LAMB4: variants seen among roughly 807,000 people sequenced by gnomAD.
LAMB4 encodes laminin subunit beta 4, also known as laminin subunit beta-4.
LAMB4 carries 196 observed loss-of-function variants against 199.2 expected under a neutral mutation model. The observed-to-expected ratio is 0.98, with a 90% CI of 0.88 to 1.11. The LOEUF is 1.11. Among genes scored for constraint, LAMB4 ranks in the 50% least tolerant of loss-of-function variants. LAMB4 has a pLI of 0.00. For synonymous variants in LAMB4, 744 were observed against 770.6 expected, an observed-to-expected ratio of 0.97 and a Z score of 0.57; for missense variants, 2,080 against 2,171.2, an observed-to-expected ratio of 0.96 and a Z score of 0.83.
chr7:108,036,112 C>T (rs1439615994), intron 30 of LAMB4, among the ~76,000 whole-genome samples: 2 of 152,152 alleles, frequency 1.3e-5, no homozygotes, highest in East Asian at 3.9e-4. Context: ...CCTGCCTCGG[C>T]CTCCCAAAGC....
At chr7:108,129,988 A>T (rs2038923776) in intron 1 of LAMB4, among the ~76,000 whole-genome samples, 1 of 152,262 alleles carries the variant, frequency 6.6e-6, no homozygotes, top group Non-Finnish European at 1.5e-5. Context: ...AAAAACAAAC[A>T]TTTGCTGAAA....
chr7:108,083,871 G>C (rs1024178730), intron 14 of LAMB4, among the ~76,000 whole-genome samples: 1 of 152,294 alleles, frequency 6.6e-6, no homozygotes, highest in African/African-American at 2.4e-5. Context: ...TTCTTGGAGG[G>C]GGACAGAGTT....
intron 14 of LAMB4, among the ~76,000 whole-genome samples, chr7:108,091,319 C>A (rs1017138931): frequency 1.3e-5 from 2 of 152,118 alleles, no homozygotes; most frequent in East Asian, 1.9e-4. Flanking sequence ...GCTCAATAAA[C>A]ACATTTTGTC....
chr7:108,064,980 AC>A (rs1299513776), intron 21 of LAMB4, among the ~76,000 whole-genome samples: 15 of 148,822 alleles, frequency 1.0e-4, no homozygotes, highest in Non-Finnish European at 1.9e-4. Context: ...ATCAGAGCTC[AC>A]TGTAGCCATG....
intron 17 of LAMB4, among the ~76,000 whole-genome samples, chr7:108,074,358 ATATTT>A (rs1211717126): frequency 5.9e-5 from 9 of 152,070 alleles, no homozygotes; most frequent in Non-Finnish European, 1.3e-4. Context: ...ATTGAATGCA[ATATTT>A]TATTTTATTT....
At chr7:108,040,133 C>G (rs2035370386) in intron 29 of LAMB4, among the ~76,000 whole-genome samples, 1 of 152,076 alleles carries the variant, frequency 6.6e-6, no homozygotes, top group Admixed American at 6.5e-5. Context: ...AGCCAAGAGC[C>G]AAGCCAGGAA....
In LAMB4 at chr7:108,057,845, A is replaced by G. The variant is rs202101743; in HGVS notation, c.3366T>C (p.Pro1122=). ...ECQENYYGDP[P]GRCIPCDCNR... The stretch of plus-strand genomic sequence containing the variant: ...CCCAATACTTACGAATGCATCGCCC[A>G]GGTGGATCACCATAATAATTTTCCT... The change falls in exon 24 of 34, where the codon CCT becomes CCC. Residue 1122 remains proline (P), a synonymous_variant. Coordinates refer to ENST00000388781, the MANE Select transcript of LAMB4 (RefSeq NM_007356.3). 1.2e-6 allele frequency: 2 copies of G among 1,611,342 alleles called. No individual in the cohort carries two copies.
At chr7:108,102,643 T>C (rs2037854714) in intron 10 of LAMB4, among the ~76,000 whole-genome samples, 3 of 152,176 alleles carry the variant, frequency 2.0e-5, no homozygotes, top group Non-Finnish European at 4.4e-5. Context: ...AGATTCAAGA[T>C]AAAAGATTTT....
At chr7:108,107,359 G>T (rs1373052563) in intron 6 of LAMB4, among the ~76,000 whole-genome samples, 2 of 152,148 alleles carry the variant, frequency 1.3e-5, no homozygotes, top group Non-Finnish European at 2.9e-5. Context: ...ATTAGAAATG[G>T]GTGTTCCTTC....
chr7:108,077,308 G>C (rs779665403), intron 16 of LAMB4, among the ~76,000 whole-genome samples: 5 of 152,070 alleles, frequency 3.3e-5, no homozygotes, highest in Non-Finnish European at 7.3e-5. Context: ...ATTGGCTGTG[G>C]GTTGTTATGA....
At chr7:108,046,162 G>A (rs904630924) in intron 28 of LAMB4, among the ~76,000 whole-genome samples, 5 of 151,876 alleles carry the variant, frequency 3.3e-5, no homozygotes, top group Admixed American at 1.3e-4. Context: ...TCTGCCTCCC[G>A]GGTCCCAGCA....
chr7:108,111,496 A>G (rs2038222116), intron 4 of LAMB4, among the ~76,000 whole-genome samples: 2 of 152,220 alleles, frequency 1.3e-5, no homozygotes, highest in African/African-American at 2.4e-5. Flanking sequence ...TAATTTACCA[A>G]CACTTCATAA....
Position 108,098,465 on chromosome 7 carries a change from T to A in LAMB4, c.1298A>T (p.Lys433Ile), listed in dbSNP as rs749644901. 5.8e-6 allele frequency: 9 copies of A among 1,563,470 alleles called. No individual in the cohort carries two copies. The East Asian group carries it at 2.1e-4, about 36-fold the overall frequency. ...GTGGTTGGGTTTGCACTGGTCGCAT[T>A]TGGCTCCTTCCACGTTCTCTTTACA... is the stretch of plus-strand genomic sequence containing the variant. ...CLCKENVEGA[K>I]CDQCKPNHYG... The change falls in exon 11 of 34, where the codon AAA (lysine) becomes ATA (isoleucine). Residue 433 changes from lysine to isoleucine, a missense_variant. Transcript: ENST00000388781.
intron 17 of LAMB4, among the ~76,000 whole-genome samples, chr7:108,071,207 C>T (rs931468164): frequency 2.6e-5 from 4 of 152,172 alleles, no homozygotes; most frequent in African/African-American, 7.2e-5. Flanking sequence ...CCTTTGACTC[C>T]TTGATAGGCA....
chr7:108,056,089 C>A, intron 24 of LAMB4, 82 bp from the exon 25 acceptor site: 8 of 1,341,550 alleles, frequency 6.0e-6, no homozygotes, highest in Non-Finnish European at 8.1e-6. Context: ...CTTTTCCTCT[C>A]TCCTGAAAAT....
chr7:108,097,462 G>A (rs780535256), intron 11 of LAMB4, among the ~76,000 whole-genome samples: 8 of 152,010 alleles, frequency 5.3e-5, no homozygotes, highest in Non-Finnish European at 1.2e-4. Flanking sequence ...ATTAGAAGGG[G>A]TGTGAGAAGA....
At chr7:108,127,134 C>G (rs2038818433) in intron 1 of LAMB4, among the ~76,000 whole-genome samples, 1 of 151,530 alleles carries the variant, frequency 6.6e-6, no homozygotes, top group Non-Finnish European at 1.5e-5. Flanking sequence ...AGGGCATAAC[C>G]CAGTGCTTTC....
intron 16 of LAMB4, among the ~76,000 whole-genome samples, chr7:108,077,430 C>T (rs893927666): frequency 1.3e-5 from 2 of 152,120 alleles, no homozygotes; most frequent in Non-Finnish European, 2.9e-5. Flanking sequence ...CATGGTGGCT[C>T]ACACCTGTAA....
At position 108,052,227 on chromosome 7, in the gene LAMB4, C is replaced by T; in HGVS notation, c.3786G>A (p.Leu1262=). 1.2e-6 allele frequency: 2 copies of T among 1,606,904 alleles called. No homozygotes were observed. Among genetic ancestry groups the T allele is most frequent in the Non-Finnish European group, 8.5e-7 (1 of 1,176,298 alleles). The change falls in exon 26 of 34, where the codon CTG becomes CTA. Residue 1262 remains leucine, a synonymous_variant. Coordinates refer to ENST00000388781, the MANE Select transcript of LAMB4 (RefSeq NM_007356.3). ...RRQIMQLNEQ[L]KAVYEFQDLK... Reference sequence around the variant, plus strand: ...GATCTTGAAATTCATACACTGCTTTCAGTTGTTCATTTAGCTGCATGATTT... The same window carrying T: ...GATCTTGAAATTCATACACTGCTTTTAGTTGTTCATTTAGCTGCATGATTT...
Sources: gnomAD v4.1 joint callset for allele counts (sites outside exome capture counted in the v4.1 genomes callset) on GRCh38, gnomAD v4.1.1 for gene constraint, MANE v1.5 for transcripts, NCBI Gene and HGNC (gene_info 2026-07-23, HGNC 2026-07-21) for gene names.